FHIP2A: variants seen among roughly 807,000 people sequenced by gnomAD.
The protein encoded by FHIP2A is FHF complex subunit HOOK interacting protein 2A.
Under a neutral mutation model 93.5 loss-of-function variants are expected in FHIP2A, and 46 were observed. That is an observed-to-expected ratio of 0.49 (90% CI 0.39 to 0.63). FHIP2A has a LOEUF of 0.63. Ranked by LOEUF, FHIP2A falls within the 20% of genes least tolerant of loss-of-function variation. The probability of loss-of-function intolerance (pLI) is 0.00; values close to 1 mark genes in which losing one functional copy is unlikely to be tolerated. For missense variants in FHIP2A, 769 were observed against 909.7 expected, an observed-to-expected ratio of 0.85 and a Z score of 1.99; for synonymous variants, 332 against 326.5, an observed-to-expected ratio of 1.02 and a Z score of -0.18.
chr10:114,865,444 T>TACACAA (rs1306576470), downstream of FHIP2A, among the ~76,000 whole-genome samples: 2 of 152,104 alleles, frequency 1.3e-5, no homozygotes, highest in African/African-American at 4.8e-5. Flanking sequence ...AAACATGTAA[T>TACACAA]ACACAGCACA....
chr10:114,883,036 G>C (rs935309147), intron 16 of FHIP2A, among the ~76,000 whole-genome samples: 41 of 152,158 alleles, frequency 2.7e-4, no homozygotes, highest in African/African-American at 9.9e-4. Flanking sequence ...GCTTGTGACA[G>C]GGTAGGATGC....
At chr10:114,868,172 A>G (rs2083839901), downstream of FHIP2A, among the ~76,000 whole-genome samples, 1 of 151,900 alleles carries the variant, frequency 6.6e-6, no homozygotes, top group Non-Finnish European at 1.5e-5. Flanking sequence ...TCTTCTCTCT[A>G]GTTCAGGGGT....
chr10:114,837,242 C>T (rs112054042), intron 5 of FHIP2A, among the ~76,000 whole-genome samples: 152 of 152,204 alleles, frequency 1.0e-3, no homozygotes, highest in African/African-American at 3.3e-3. Context: ...TGGCCAGGCG[C>T]GATGGCTCAC....
intron 16 of FHIP2A, among the ~76,000 whole-genome samples, chr10:114,895,499 C>G (rs2083996661): frequency 6.6e-6 from 1 of 152,146 alleles, no homozygotes; most frequent in Non-Finnish European, 1.5e-5. Flanking sequence ...TAAGCAGTAA[C>G]TTGAGAGTCT....
chr10:114,887,553 AG>A (rs1314603640), intron 16 of FHIP2A, among the ~76,000 whole-genome samples: 2 of 152,268 alleles, frequency 1.3e-5, no homozygotes, highest in Non-Finnish European at 2.9e-5. Context: ...ACCTGACCCT[AG>A]GCAGTGTGGC....
intron 1 of FHIP2A, 23 bp from the exon 2 acceptor site, chr10:114,830,829 G>T: frequency 6.5e-7 from 1 of 1,538,666 alleles, no homozygotes; most frequent in Admixed American, 1.8e-5. Flanking sequence ...TTTCTTAATT[G>T]TTGTGGTCTT....
downstream of FHIP2A, among the ~76,000 whole-genome samples, chr10:114,866,928 G>A (rs964543182): frequency 6.6e-6 from 1 of 152,150 alleles, no homozygotes; most frequent in Non-Finnish European, 1.5e-5. Context: ...CAGAACAGAC[G>A]CCGGGCGCGG....
At position 114,863,511 on chromosome 10, in the gene FHIP2A, T is replaced by G; in HGVS notation, c.*1971T>G. The G allele has an allele frequency of 8.6e-7, 1 of 1,156,110 alleles. No individual in the cohort carries two copies. The highest frequency in any genetic ancestry group is 1.8e-5 in the South Asian group (1 of 55,868). The allele number at this position is 1,156,110 out of a possible 1,614,324, so 71.6% of individuals were successfully genotyped here. On this transcript the variant is annotated 3_prime_UTR_variant, in exon 17 of 17. Transcript: ENST00000369248. The stretch of plus-strand genomic sequence containing the variant: ...AGAAAAGCTTTAACTCTTATATTTG[T>G]GTATATGTATGCTGCTTCTGAAAAT...
In FHIP2A at chr10:114,846,089, C is replaced by T. The variant is rs768434830; in HGVS notation, c.1205C>T (p.Thr402Ile). The T allele has an allele frequency of 1.2e-5, 20 of 1,613,500 alleles. No individual in the cohort carries two copies. Among genetic ancestry groups the T allele is most frequent in the Admixed American group, 1.7e-5 (1 of 59,958 alleles). Residue 402 changes from threonine to isoleucine, a missense_variant and splice_region_variant, in exon 9 of 17, where the codon ACT (threonine) becomes ATT (isoleucine). Transcript: ENST00000369248. ...GTTATGGAACCTCAATTAATGCAAA[C>T]GTGAGTAGCCTGTTTTCTTTTGAAA... ...IGVMEPQLMQ[T>I]SEMGILTSTA...
chr10:114,835,693 G>A, intron 4 of FHIP2A, 52 bp downstream of exon 4: 2 of 1,084,072 alleles, frequency 1.8e-6, no homozygotes, highest in Non-Finnish European at 1.3e-6. Flanking sequence ...TTTTAATGTT[G>A]AAATAATTTT....
At chr10:114,877,417 A>G (rs1175010835) in intron 16 of FHIP2A, among the ~76,000 whole-genome samples, 1 of 152,122 alleles carries the variant, frequency 6.6e-6, no homozygotes, top group Middle Eastern at 3.2e-3. Flanking sequence ...AAAATTACTC[A>G]ATATAGAATT....
intron 16 of FHIP2A, among the ~76,000 whole-genome samples, chr10:114,898,627 T>A (rs2084012291): frequency 6.6e-6 from 1 of 152,212 alleles, no homozygotes; most frequent in Non-Finnish European, 1.5e-5. Context: ...CTCCTCCCAG[T>A]CCCAGTTGCT....
At chr10:114,873,962 A>C (rs1240482248) in intron 16 of FHIP2A, among the ~76,000 whole-genome samples, 1 of 149,638 alleles carries the variant, frequency 6.7e-6, no homozygotes, top group Non-Finnish European at 1.5e-5. Context: ...AAAAAAAAAA[A>C]CAACCCTAAG....
chr10:114,865,231 A>C (rs867518840), downstream of FHIP2A, among the ~76,000 whole-genome samples: 1 of 152,016 alleles, frequency 6.6e-6, no homozygotes, highest in African/African-American at 2.4e-5. Flanking sequence ...CAGGTGATCC[A>C]CCTGCCTCGG....
chr10:114,832,211 G>A (rs1325866266), intron 2 of FHIP2A, among the ~76,000 whole-genome samples: 1 of 152,024 alleles, frequency 6.6e-6, no homozygotes, highest in Non-Finnish European at 1.5e-5. Context: ...ACTGTGATAT[G>A]TTAAAAAATA....
chr10:114,898,505 C>T (rs1186909156), intron 16 of FHIP2A, among the ~76,000 whole-genome samples: 2 of 152,146 alleles, frequency 1.3e-5, no homozygotes, highest in Non-Finnish European at 1.5e-5. Flanking sequence ...TACTGGGCAA[C>T]AGGCACACTC....
At chr10:114,849,201 A>T (rs1166831691) in intron 13 of FHIP2A, among the ~76,000 whole-genome samples, 1 of 147,042 alleles carries the variant, frequency 6.8e-6, no homozygotes, top group Non-Finnish European at 1.5e-5. Context: ...AAGTGACTTT[A>T]GTTTGCACTT....
At chr10:114,873,615 C>A (rs1194985450) in intron 16 of FHIP2A, among the ~76,000 whole-genome samples, 1 of 152,080 alleles carries the variant, frequency 6.6e-6, no homozygotes, top group African/African-American at 2.4e-5. Context: ...CTTTATTTAT[C>A]CAATCATTTA....
At chr10:114,864,872 A>G (rs2083820815), downstream of FHIP2A, among the ~76,000 whole-genome samples, 1 of 152,184 alleles carries the variant, frequency 6.6e-6, no homozygotes, top group Non-Finnish European at 1.5e-5. Context: ...ACAAAAAGCA[A>G]TGTATCTATT....
Sources: gnomAD v4.1 joint callset for allele counts (sites outside exome capture counted in the v4.1 genomes callset) on GRCh38, gnomAD v4.1.1 for gene constraint, MANE v1.5 for transcripts, NCBI Gene and HGNC (gene_info 2026-07-23, HGNC 2026-07-21) for gene names.